RORA: variants seen among roughly 807,000 people sequenced by gnomAD.
RORA encodes the protein nuclear receptor ROR-alpha.
In RORA, 7 loss-of-function variants were observed where a neutral mutation model predicts 69.5. The observed-to-expected ratio is 0.10, with a 90% CI of 0.06 to 0.19. RORA has a LOEUF of 0.19. Among genes scored for constraint, RORA ranks in the 10% least tolerant of loss-of-function variants. The pLI, the probability that RORA is intolerant of heterozygous loss-of-function variation, is 1.00. For missense variants in RORA, 457 were observed against 663.0 expected (o/e 0.69, Z 3.41); for synonymous variants, 261 against 240.8 (o/e 1.08, Z -0.78).
At position 61,050,866 on chromosome 15, in the gene RORA, C is replaced by A. The variant is rs1402621415; in HGVS notation, c.166+178187G>T. Among the ~76,000 whole-genome samples, 4 of 152,176 alleles carry A rather than the reference C, an allele frequency of 2.6e-5. No homozygotes were observed. The East Asian group carries it at 7.7e-4, about 29-fold the overall frequency. On this transcript the variant is annotated intron_variant, in intron 1 of 10. Coordinates refer to ENST00000335670, the MANE Select transcript of RORA (RefSeq NM_134261.3). ...GTGAGGAAACCAAGTCTTAGGTTGA[C>A]TAACTTATTAAAATAAAGCACATAC...
Position 60,959,429 on chromosome 15 carries a change from T to C in RORA, c.166+269624A>G, listed in dbSNP as rs190458635. On this transcript the variant is annotated intron_variant, in intron 1 of 10. Coordinates refer to ENST00000335670, the MANE Select transcript of RORA (RefSeq NM_134261.3). Reference sequence around the variant, plus strand: ...GTACCTGATAGTGACTTTGTTCCAATGTCTTTATCTTTAAACTAACGTATT... The same window carrying C: ...GTACCTGATAGTGACTTTGTTCCAACGTCTTTATCTTTAAACTAACGTATT... 2.1e-3 allele frequency among the ~76,000 whole-genome samples: 322 copies of C among 152,334 alleles called. 1 individual carries two copies. The highest frequency in any genetic ancestry group is 7.6e-3 in the African/African-American group (315 of 41,578).
intron 1 of RORA, among the ~76,000 whole-genome samples, chr15:60,689,295 T>C (rs1422331901): frequency 6.6e-6 from 1 of 152,162 alleles, no homozygotes; most frequent in African/African-American, 2.4e-5. Flanking sequence ...CAGGAATGCA[T>C]TGGAATGTTC....
At chr15:61,148,693 G>A (rs533375512) in intron 1 of RORA, among the ~76,000 whole-genome samples, 2 of 152,182 alleles carry the variant, frequency 1.3e-5, no homozygotes, top group Non-Finnish European at 2.9e-5. Flanking sequence ...ATGTTAGAAA[G>A]TGGAGCAGAT....
intron 1 of RORA, among the ~76,000 whole-genome samples, chr15:60,899,467 G>C (rs1334270666): frequency 6.6e-6 from 1 of 152,240 alleles, no homozygotes. Flanking sequence ...TAGTGACTGA[G>C]TGAAAAGTTA....
intron 1 of RORA, among the ~76,000 whole-genome samples, chr15:61,108,374 A>C (rs2078971305): frequency 6.6e-6 from 1 of 152,198 alleles, no homozygotes; most frequent in Non-Finnish European, 1.5e-5. Context: ...GCACAATGTT[A>C]CTGCTAACAG....
Position 60,497,477 on chromosome 15 carries a change from G to C in RORA, c.1550C>G (p.Pro517Arg), listed in dbSNP as rs773735927. Residue 517 changes from proline (P) to arginine (R), a missense_variant, in exon 11 of 11, where the codon CCA becomes CGA. By Grantham distance (103) the Pro-to-Arg change is moderately radical. Around this residue, in one of 3 missense-constraint regions of RORA, gnomAD observed 304 missense variants for 447.4 expected, o/e 0.68. Transcript: ENST00000335670. ...CATTTACCCATCAATTTGCATTGCT[G>C]GCTCAAATTCTGAAGTGAACAACTC... is the stretch of plus-strand genomic sequence containing the variant. ...YKELFTSEFE[P>R]AMQIDG The C allele has an allele frequency of 1.9e-6, 3 of 1,613,856 alleles. No homozygotes were observed. The highest frequency in any genetic ancestry group is 2.5e-6 in the Non-Finnish European group (3 of 1,179,936).
intron 1 of RORA, among the ~76,000 whole-genome samples, chr15:60,876,735 T>A (rs1019492594): frequency 6.6e-6 from 1 of 152,200 alleles, no homozygotes; most frequent in South Asian, 2.1e-4. Context: ...TACAGGTGTA[T>A]GGGACATCTT....
intron 1 of RORA, among the ~76,000 whole-genome samples, chr15:60,702,481 C>T (rs1159492322): frequency 6.6e-6 from 1 of 152,232 alleles, no homozygotes; most frequent in East Asian, 1.9e-4. Context: ...ATCCGCCCGC[C>T]TCGGCCTCCC....
At position 60,985,827 on chromosome 15, in the gene RORA, G is replaced by A. The variant is rs572215006; in HGVS notation, c.166+243226C>T. Among the ~76,000 whole-genome samples the A allele has an allele frequency of 1.8e-3, 274 of 152,130 alleles. 1 individual carries two copies. Among genetic ancestry groups the A allele is most frequent in the African/African-American group, 6.3e-3 (261 of 41,518 alleles). ...CTCAATCTCTTGACCTCATCCGCCC[G>A]CTTTGGCCTCCCAAAATGCTGGGAT... is the stretch of plus-strand genomic sequence containing the variant. On this transcript the variant is annotated intron_variant, in intron 1 of 10. Transcript: ENST00000335670.
rs554235195 is a variant in RORA, at chr15:60,569,271, A to G, written c.197-37420T>C. Reference sequence around the variant, plus strand: ...ATCTCTTTAAAAAATTAAAAAAAAAAAAAAAAAAAAAGCCATGTGTGGTGT... The same window carrying G: ...ATCTCTTTAAAAAATTAAAAAAAAAGAAAAAAAAAAAGCCATGTGTGGTGT... On this transcript the variant is annotated intron_variant, in intron 2 of 10. Transcript: ENST00000335670. Among the ~76,000 whole-genome samples the G allele has an allele frequency of 2.7e-5, 4 of 150,624 alleles. No homozygotes were observed. The South Asian group carries it at 6.3e-4, about 24-fold the overall frequency.
At chr15:60,890,924 G>C (rs2073806737) in intron 1 of RORA, among the ~76,000 whole-genome samples, 1 of 152,208 alleles carries the variant, frequency 6.6e-6, no homozygotes, top group Admixed American at 6.5e-5. Flanking sequence ...AGTGGGACGA[G>C]AAAGCTTTCA....
intron 1 of RORA, among the ~76,000 whole-genome samples, chr15:60,710,231 G>A (rs1219515610): frequency 6.6e-6 from 1 of 152,178 alleles, no homozygotes; most frequent in Non-Finnish European, 1.5e-5. Context: ...GCTCACGCTT[G>A]TAATTCCAGC....
chr15:61,154,185 A>G (rs531606563), intron 1 of RORA, among the ~76,000 whole-genome samples: 7 of 152,074 alleles, frequency 4.6e-5, no homozygotes, highest in Non-Finnish European at 1.0e-4. Flanking sequence ...CCCCACCAAC[A>G]ACATTACTCT....
At chr15:60,805,512 A>G (rs1323037950) in intron 1 of RORA, among the ~76,000 whole-genome samples, 2 of 152,174 alleles carry the variant, frequency 1.3e-5, no homozygotes, top group African/African-American at 2.4e-5. Flanking sequence ...AAACTTACCT[A>G]CCTTCTCTGA....
intron 1 of RORA, among the ~76,000 whole-genome samples, chr15:60,976,442 C>T (rs1448775186): frequency 6.6e-6 from 1 of 152,146 alleles, no homozygotes; most frequent in Non-Finnish European, 1.5e-5. Flanking sequence ...CAAATGCAGA[C>T]CAGAATACAG....
intron 1 of RORA, among the ~76,000 whole-genome samples, chr15:61,017,809 C>T (rs544817701): frequency 1.3e-5 from 2 of 152,186 alleles, no homozygotes; most frequent in Non-Finnish European, 2.9e-5. Context: ...TTCTAACCTT[C>T]CTGGAGACAA....
At chr15:60,987,830 A>T (rs1894253285) in intron 1 of RORA, among the ~76,000 whole-genome samples, 1 of 152,200 alleles carries the variant, frequency 6.6e-6, no homozygotes, top group African/African-American at 2.4e-5. Flanking sequence ...ACTGAGGCTC[A>T]GATTTATTGG....
intron 1 of RORA, among the ~76,000 whole-genome samples, chr15:61,151,384 T>C (rs1040520390): frequency 6.6e-6 from 1 of 152,214 alleles, no homozygotes; most frequent in African/African-American, 2.4e-5. Flanking sequence ...AGTGAATAGA[T>C]GAAACTTTCC....
At chr15:60,693,892 C>T (rs1293708824) in intron 1 of RORA, among the ~76,000 whole-genome samples, 1 of 152,060 alleles carries the variant, frequency 6.6e-6, no homozygotes, top group Non-Finnish European at 1.5e-5. Flanking sequence ...AGATTGAATG[C>T]TATTCCCATT....
Sources: gnomAD v4.1 joint callset for allele counts (sites outside exome capture counted in the v4.1 genomes callset) on GRCh38, gnomAD v4.1.1 for gene constraint, gnomAD v4.1.1 regional missense constraint, MANE v1.5 for transcripts, NCBI Gene and HGNC (gene_info 2026-07-23, HGNC 2026-07-21) for gene names.